Variants in UPP2 observed in about 807,000 individuals in gnomAD.
UPP2 encodes uridine phosphorylase 2.
A neutral mutation model predicts 26.7 loss-of-function variants in UPP2; 23 were observed. That is an observed-to-expected ratio of 0.86 (90% CI 0.62 to 1.22). The LOEUF (loss-of-function observed/expected upper bound fraction) is 1.22. Among genes scored for constraint, UPP2 ranks in the 50% most tolerant of loss-of-function variants. UPP2 has a pLI of 0.00. For synonymous variants in UPP2, 127 were observed against 141.3 expected (o/e 0.90, Z 0.72); for missense variants, 387 against 396.7 (o/e 0.98, Z 0.21).
intron 3 of UPP2, among the ~76,000 whole-genome samples, chr2:158,068,286 A>G (rs1002997005): frequency 7.2e-5 from 11 of 152,174 alleles, no homozygotes; most frequent in African/African-American, 2.4e-4. Flanking sequence ...TTGTTTTAGG[A>G]GATTTTGAAT....
intron 1 of UPP2, among the ~76,000 whole-genome samples, chr2:158,105,092 TCAGA>T (rs370031492): frequency 2.4e-4 from 35 of 145,994 alleles, no homozygotes; most frequent in African/African-American, 8.6e-4. Context: ...CAAAGAAGTC[TCAGA>T]CAGTTCTTGG....
chr2:158,043,799 C>A (rs936964219), intron 3 of UPP2, among the ~76,000 whole-genome samples: 1 of 152,096 alleles, frequency 6.6e-6, no homozygotes, highest in Non-Finnish European at 1.5e-5. Context: ...TCTCTGGGGG[C>A]GGTTTGCCAG....
chr2:158,104,852 C>T (rs1243719416), intron 1 of UPP2, among the ~76,000 whole-genome samples: 4 of 147,768 alleles, frequency 2.7e-5, no homozygotes, highest in Admixed American at 1.4e-4. Context: ...AACCAGGAGG[C>T]GGAGGTTGCA....
intron 3 of UPP2, among the ~76,000 whole-genome samples, chr2:158,030,612 G>A (rs908080527): frequency 6.6e-6 from 1 of 152,196 alleles, no homozygotes; most frequent in African/African-American, 2.4e-5. Context: ...GAGACTGTGA[G>A]CTATGCCTTG....
At chr2:158,111,757 T>A (rs1683324558) in intron 2 of UPP2, among the ~76,000 whole-genome samples, 1 of 152,202 alleles carries the variant, frequency 6.6e-6, no homozygotes, top group Non-Finnish European at 1.5e-5. Flanking sequence ...TTCAGTTTTG[T>A]TTCTCTGCTT....
chr2:158,025,687 A>G (rs1472884536), intron 3 of UPP2, among the ~76,000 whole-genome samples: 1 of 152,210 alleles, frequency 6.6e-6, no homozygotes, highest in Admixed American at 6.5e-5. Flanking sequence ...AGACCAGCAG[A>G]GAATGCTGGG....
chr2:158,061,493 C>T (rs143982188), intron 3 of UPP2, among the ~76,000 whole-genome samples: 299 of 152,262 alleles, frequency 2.0e-3, no homozygotes, highest in East Asian at 7.7e-3. Context: ...TTTTTATTTT[C>T]GCTGTAACTT....
chr2:158,022,757 G>A (rs1411210057), intron 3 of UPP2, among the ~76,000 whole-genome samples: 1 of 152,178 alleles, frequency 6.6e-6, no homozygotes, highest in Non-Finnish European at 1.5e-5. Context: ...TAGAGGTTCT[G>A]TACGATAGTC....
chr2:158,124,693 A>G (rs1342454242), intron 6 of UPP2, among the ~76,000 whole-genome samples: 1 of 152,214 alleles, frequency 6.6e-6, no homozygotes, highest in Admixed American at 6.5e-5. Context: ...GTCAGATTGT[A>G]GAAACATTTT....
intron 3 of UPP2, among the ~76,000 whole-genome samples, chr2:158,061,520 T>C (rs1417937999): frequency 6.6e-6 from 1 of 152,210 alleles, no homozygotes; most frequent in East Asian, 1.9e-4. Flanking sequence ...TCAAGGAAAC[T>C]GTAGCTTATT....
intron 3 of UPP2, among the ~76,000 whole-genome samples, chr2:158,045,270 T>A (rs1051569047): frequency 1.3e-5 from 2 of 152,154 alleles, no homozygotes; most frequent in African/African-American, 4.8e-5. Flanking sequence ...CTAATATGGC[T>A]TAGTCACAAG....
Position 158,115,356 on chromosome 2 carries a change from A to G in UPP2, c.339+97A>G. 5 of 1,405,554 alleles carry G rather than the reference A, an allele frequency of 3.6e-6. 1 individual carries two copies. The South Asian group carries it at 8.3e-5, about 23-fold the overall frequency. 87.1% of individuals were successfully genotyped at this position (1,405,554 alleles called of 1,614,324 possible). A position where few individuals can be genotyped will look rare whatever the true frequency, so the allele number is the denominator to read the frequency against. On this transcript the variant is annotated intron_variant, in intron 3 of 6. Transcript: ENST00000005756. ...GAGTTCTTTTTCCCTCCAGCTTCGC[A>G]TTCTTACACAATCAAACAAGGTGTC...
intron 2 of UPP2, among the ~76,000 whole-genome samples, chr2:158,010,966 A>C (rs948223883): frequency 6.6e-6 from 1 of 151,994 alleles, no homozygotes; most frequent in Non-Finnish European, 1.5e-5. Context: ...GGGTTTCTCC[A>C]TGTTGGCCAG....
chr2:158,099,371 T>C (rs1683036754), upstream of UPP2, among the ~76,000 whole-genome samples: 1 of 152,260 alleles, frequency 6.6e-6, no homozygotes, highest in South Asian at 2.1e-4. Context: ...AGCCAGGGAA[T>C]CTGATGTGGC....
intron 3 of UPP2, among the ~76,000 whole-genome samples, chr2:158,020,260 C>T (rs546940927): frequency 6.6e-6 from 1 of 152,348 alleles, no homozygotes; most frequent in African/African-American, 2.4e-5. Flanking sequence ...GACTTCACTG[C>T]TCCTGTTCTT....
At chr2:158,058,474 C>T (rs949145137) in intron 3 of UPP2, among the ~76,000 whole-genome samples, 2 of 142,122 alleles carry the variant, frequency 1.4e-5, no homozygotes, top group Non-Finnish European at 3.0e-5. Flanking sequence ...GAGGAAAGGA[C>T]GTGTGAGGAC....
chr2:158,006,476 C>CAAAAA (rs3038697), intron 2 of UPP2, among the ~76,000 whole-genome samples: 2 of 77,408 alleles, frequency 2.6e-5, no homozygotes, highest in Admixed American at 1.5e-4. Flanking sequence ...GACTCCGTCT[C>CAAAAA]AAAAAAAAAA....
chr2:158,117,716 T>C, intron 3 of UPP2, 108 bp from the exon 4 acceptor site: 1 of 840,586 alleles, frequency 1.2e-6, no homozygotes, highest in Non-Finnish European at 1.9e-6. Flanking sequence ...GTCTTAATGA[T>C]TATGTAAATG....
At chr2:158,115,045 A>T in intron 2 of UPP2, 56 bp from the exon 3 acceptor site, 1 of 1,492,390 alleles carries the variant, frequency 6.7e-7, no homozygotes, top group Non-Finnish European at 8.9e-7. Flanking sequence ...GTTGAAACTG[A>T]CCCGTGGTTC....
Sources: gnomAD v4.1 joint callset for allele counts (sites outside exome capture counted in the v4.1 genomes callset) on GRCh38, gnomAD v4.1.1 for gene constraint, MANE v1.5 for transcripts, NCBI Gene and HGNC (gene_info 2026-07-23, HGNC 2026-07-21) for gene names.